The following MCTP2 variants were observed in gnomAD, a reference collection of about 807,000 sequenced individuals.
The protein encoded by MCTP2 is multiple C2 and transmembrane domain containing 2.
Under a neutral mutation model 111.6 loss-of-function variants are expected in MCTP2, and 132 were observed. The observed-to-expected ratio is 1.18, with a 90% confidence interval of 1.03 to 1.37. MCTP2 has a LOEUF of 1.37. MCTP2 is among the 40% of genes most tolerant of loss of function. The pLI, the probability that MCTP2 is intolerant of heterozygous loss-of-function variation, is 0.00. For missense variants in MCTP2, 1,183 were observed against 1,067.9 expected, an observed-to-expected ratio of 1.11 and a Z score of -1.50; for synonymous variants, 395 against 387.7, an observed-to-expected ratio of 1.02 and a Z score of -0.22.
At chr15:94,246,589 T>G (rs1165972066) in intron 1 of MCTP2, among the ~76,000 whole-genome samples, 7 of 152,200 alleles carry the variant, frequency 4.6e-5, no homozygotes, top group Admixed American at 6.5e-5. Flanking sequence ...TTGCTTCATA[T>G]TTAAAAACTC....
At chr15:94,433,356 G>A (rs1020885746) in intron 17 of MCTP2, among the ~76,000 whole-genome samples, 7 of 152,070 alleles carry the variant, frequency 4.6e-5, no homozygotes, top group South Asian at 2.1e-4. Context: ...CCTACTGGTC[G>A]CTGCTGCACC....
intron 4 of MCTP2, among the ~76,000 whole-genome samples, chr15:94,335,203 C>T (rs2077302377): frequency 1.3e-5 from 2 of 152,186 alleles, no homozygotes; most frequent in African/African-American, 2.4e-5. Context: ...GAACACTTTA[C>T]CCTGCTGCTC....
At chr15:94,443,604 G>C (rs758930746) in intron 19 of MCTP2, among the ~76,000 whole-genome samples, 2 of 152,166 alleles carry the variant, frequency 1.3e-5, no homozygotes, top group African/African-American at 2.4e-5. Context: ...GCAGAGGAAA[G>C]GGTAAAAGGG....
chr15:94,251,270 A>G (rs2072400269), intron 1 of MCTP2, among the ~76,000 whole-genome samples: 1 of 152,196 alleles, frequency 6.6e-6, no homozygotes, highest in Non-Finnish European at 1.5e-5. Context: ...CTAGACCTGT[A>G]CATTCATTCC....
rs2073814344 is a variant in MCTP2, at chr15:94,470,325, G to T, written c.2361-8G>T. ...AGAGGAAATTATATTTATGTGGTTT[G>T]TCTACAGCACATTTAACTGGACGGT... On this transcript the variant is annotated splice_polypyrimidine_tract_variant and splice_region_variant and intron_variant, in intron 20 of 22. Transcript: ENST00000357742. 1 of 1,588,108 alleles carries T rather than the reference G, an allele frequency of 6.3e-7. No homozygotes were observed. The highest frequency in any genetic ancestry group is 1.7e-5 in the Admixed American group (1 of 59,964).
intron 20 of MCTP2, among the ~76,000 whole-genome samples, chr15:94,469,140 CTCTAAAATCCCGTCTCCCATAAAAAACAT>C (rs1482758463): frequency 6.6e-6 from 1 of 152,162 alleles, no homozygotes; most frequent in Non-Finnish European, 1.5e-5. Context: ...GTGGTATTCC[CTCTAAAATCCCGTCTCCCATAAAAAACAT>C]TCTACCTTTC....
At chr15:94,396,188 A>G (rs1035619637) in intron 14 of MCTP2, among the ~76,000 whole-genome samples, 1 of 152,208 alleles carries the variant, frequency 6.6e-6, no homozygotes, top group African/African-American at 2.4e-5. Flanking sequence ...AAGTCCTCCC[A>G]AATGTCAGCT....
chr15:94,352,878 C>G (rs899428602), intron 8 of MCTP2, among the ~76,000 whole-genome samples: 1 of 152,180 alleles, frequency 6.6e-6, no homozygotes, highest in Non-Finnish European at 1.5e-5. Flanking sequence ...TGGTCTGAGG[C>G]CTCATCAAAC....
rs563814336 is a variant in MCTP2 at position 94,313,416 on chromosome 15, A to G, written c.466-866A>G. On this transcript the variant is annotated intron_variant, in intron 2 of 22. Transcript: ENST00000357742. ...GAGAAGCATTTTAAAATTGGGAAACATAGGGGCCGGGCATGGTGGCTCACG... is the reference window on the plus strand; with the variant it reads ...GAGAAGCATTTTAAAATTGGGAAACGTAGGGGCCGGGCATGGTGGCTCACG... 1.6e-3 allele frequency among the ~76,000 whole-genome samples: 247 copies of G among 152,256 alleles called. 3 individuals carry two copies. Among genetic ancestry groups the G allele is most frequent in the African/African-American group, 5.7e-3 (236 of 41,558 alleles).
chr15:94,353,282 C>G (rs1772102409), intron 8 of MCTP2, among the ~76,000 whole-genome samples: 2 of 152,152 alleles, frequency 1.3e-5, no homozygotes, highest in Admixed American at 6.5e-5. Flanking sequence ...CAGCGAGTGT[C>G]CATGGATAGA....
intron 1 of MCTP2, among the ~76,000 whole-genome samples, chr15:94,275,778 A>G (rs1435474250): frequency 6.6e-6 from 1 of 152,180 alleles, no homozygotes; most frequent in Non-Finnish European, 1.5e-5. Context: ...AATAAAATAG[A>G]AAAAACATAG....
At position 94,318,223 on chromosome 15, in the gene MCTP2, TCAAGCTA is replaced by T. The variant is rs201488584; in HGVS notation, c.637+2589_637+2595del. 9.0e-3 allele frequency among the ~76,000 whole-genome samples: 1,373 copies of T among 152,046 alleles called. 29 individuals are homozygous for T. Among genetic ancestry groups the T allele is most frequent in the African/African-American group, 0.032 (1,312 of 41,484 alleles). On this transcript the variant is annotated intron_variant, in intron 4 of 22. Coordinates refer to ENST00000357742, the MANE Select transcript of MCTP2 (RefSeq NM_001385001.1). ...TTACATTACTAGGAAGAAAATGTTC[TCAAGCTA>T]CATGTCCTGTTTTACATTTATGGAA...
chr15:94,390,109 T>TATATATATATATATGC (rs1567603403), intron 14 of MCTP2, among the ~76,000 whole-genome samples: 9 of 38,850 alleles, frequency 2.3e-4, no homozygotes, highest in African/African-American at 5.5e-4. Flanking sequence ...TATATATATA[T>TATATATATATATATGC]ATATGTATAT....
chr15:94,386,444 C>T (rs1235788343), intron 14 of MCTP2, among the ~76,000 whole-genome samples: 2 of 152,142 alleles, frequency 1.3e-5, no homozygotes, highest in Non-Finnish European at 2.9e-5. Flanking sequence ...GGAGGAATGC[C>T]GTACTTCTTA....
intron 1 of MCTP2, among the ~76,000 whole-genome samples, chr15:94,244,988 C>A (rs1438506234): frequency 2.2e-5 from 3 of 136,896 alleles, no homozygotes; most frequent in East Asian, 2.2e-4. Flanking sequence ...ACATATGCAC[C>A]TGTTTATATA....
chr15:94,461,584 C>G (rs1482174097), intron 20 of MCTP2, among the ~76,000 whole-genome samples: 2 of 152,040 alleles, frequency 1.3e-5, no homozygotes, highest in Admixed American at 1.3e-4. Flanking sequence ...ACTCTTGTGT[C>G]CTTGAGTGGC....
At chr15:94,385,982 T>C (rs1343582058) in intron 14 of MCTP2, among the ~76,000 whole-genome samples, 2 of 152,246 alleles carry the variant, frequency 1.3e-5, no homozygotes, top group Non-Finnish European at 2.9e-5. Flanking sequence ...GTTCTATTTG[T>C]CTTTTTAGCA....
intron 1 of MCTP2, among the ~76,000 whole-genome samples, chr15:94,268,303 C>T (rs1473103838): frequency 6.6e-6 from 1 of 151,610 alleles, no homozygotes. Context: ...GCCTCAGCCT[C>T]CTGAGTAGTT....
chr15:94,376,940 C>A (rs1378690075), intron 12 of MCTP2, among the ~76,000 whole-genome samples: 1 of 152,042 alleles, frequency 6.6e-6, no homozygotes, highest in African/African-American at 2.4e-5. Context: ...TGTTGTTATA[C>A]AAAAAAGTGC....
Sources: allele counts gnomAD v4.1 joint callset (sites outside exome capture counted in the v4.1 genomes callset), GRCh38; gene constraint gnomAD v4.1.1; transcripts MANE v1.5; gene names NCBI Gene and HGNC (gene_info 2026-07-23, HGNC 2026-07-21).